CIC: variants seen among roughly 807,000 people sequenced by gnomAD.
CIC encodes capicua transcriptional repressor.
In CIC, 18 loss-of-function variants were observed where a neutral mutation model predicts 115.7. The observed-to-expected ratio is 0.16, with a 90% CI of 0.11 to 0.23. The LOEUF is 0.23. Among genes scored for constraint, CIC ranks in the 10% least tolerant of loss-of-function variants. CIC has a pLI of 1.00. For missense variants in CIC, 2,000 were observed against 2,159.3 expected (o/e 0.93, Z 1.46); for synonymous variants, 1,076 against 923.0 (o/e 1.17, Z -3.01).
intron 2 of CIC, chr19:42,284,817 G>T: frequency 6.8e-7 from 1 of 1,473,976 alleles, no homozygotes; most frequent in Non-Finnish European, 9.2e-7. Context: ...AAGGTGTCGG[G>T]GTGCTAAGTG....
In CIC at chr19:42,272,792, C is replaced by T. The variant is rs969676773; in HGVS notation, c.1009C>T (p.Arg337Cys). The change falls in exon 2 of 21, where the codon CGC becomes TGC. Residue 337 changes from arginine to cysteine, a missense_variant. Physicochemically the swap from Arg to Cys is radical, Grantham distance 180. Transcript: ENST00000681038. ...EAVWVARSSL[R>C]LLRPPWEPET... ...TGTGTGGGTGGCCCGCTCCAGCCTA[C>T]GCCTGCTGCGCCCCCCCTGGGAACC... 2 of 398,794 alleles carry T rather than the reference C, an allele frequency of 5.0e-6. No homozygotes were observed. The highest frequency in any genetic ancestry group is 3.6e-5 in the East Asian group (1 of 28,068). 24.7% of individuals were successfully genotyped at this position (398,794 alleles called of 1,614,324 possible).
chr19:42,272,414 CGTG>C lies in CIC; in HGVS notation c.635_637del (p.Gly212del). 2.5e-6 allele frequency: 1 copy of C among 398,540 alleles called. No homozygotes were observed. The highest frequency in any genetic ancestry group is 4.4e-6 in the Non-Finnish European group (1 of 225,996). 24.7% of individuals were successfully genotyped at this position (398,540 alleles called of 1,614,324 possible). ...GCGGTCCCAGCGGGTGCTGGCTCGG[CGTG>C]GTGATGGCCTTTTCCTGCCGGCTGT... is the stretch of plus-strand genomic sequence containing the variant. On this transcript the variant is annotated inframe_deletion, in exon 2 of 21. Coordinates refer to ENST00000681038, the MANE Select transcript of CIC (RefSeq NM_001386298.1).
At chr19:42,284,645 G>A in intron 2 of CIC, 1 of 1,339,890 alleles carries the variant, frequency 7.5e-7, no homozygotes, top group Non-Finnish European at 1.0e-6. Context: ...GGCTGCGGGC[G>A]GAGCGGCGTC....
chr19:42,284,563 G>A (rs1279400892), intron 2 of CIC: 3 of 289,124 alleles, frequency 1.0e-5, no homozygotes, highest in Non-Finnish European at 1.2e-5. Context: ...CCGGAGGGGG[G>A]CGGCGGGGGG....
At position 42,292,049 on chromosome 19, in the gene CIC, A is replaced by T. The variant is rs747450746; in HGVS notation, c.5614-37A>T. The T allele has an allele frequency of 6.8e-6, 11 of 1,612,440 alleles. No homozygotes were observed. The South Asian group carries it at 1.2e-4, about 18-fold the overall frequency. ...TCTTCCCCTGCCCCAGTCTGGGGCC[A>T]CAGCTCACCCTGGCCTATGGGTGCC... On this transcript the variant is annotated intron_variant, in intron 12 of 20. Coordinates refer to ENST00000681038, the MANE Select transcript of CIC (RefSeq NM_001386298.1).
rs2038045984 is a variant in CIC, at chr19:42,290,905, ACTGGGT to A, written c.4867_4872del (p.Gly1623_Ser1624del). 2 of 1,613,380 alleles carry A rather than the reference ACTGGGT, an allele frequency of 1.2e-6. No homozygotes were observed. Among genetic ancestry groups the A allele is most frequent in the African/African-American group, 2.7e-5 (2 of 74,918 alleles). Reference sequence around the variant, plus strand: ...AGCAGGTGCCAGGACTGAAATGGGCACTGGGTCTCGGGTGCCTGGGGGCTCCCCGCT... The same window carrying A: ...AGCAGGTGCCAGGACTGAAATGGGCACTCGGGTGCCTGGGGGCTCCCCGCT... On this transcript the variant is annotated inframe_deletion, in exon 11 of 21. Transcript: ENST00000681038.
Position 42,272,391 on chromosome 19 carries a change from G to A in CIC, c.608G>A (p.Arg203Gln), listed in dbSNP as rs1374555373. 4 of 398,428 alleles carry A rather than the reference G, an allele frequency of 1.0e-5. No individual in the cohort carries two copies. Among genetic ancestry groups the A allele is most frequent in the African/African-American group, 2.1e-5 (1 of 48,638 alleles). 24.7% of individuals were successfully genotyped at this position (398,428 alleles called of 1,614,324 possible). Reference sequence around the variant, plus strand: ...GGCAGCTATGACCTGCGGCAGCTGCGGTCCCAGCGGGTGCTGGCTCGGCGT... The same window carrying A: ...GGCAGCTATGACCTGCGGCAGCTGCAGTCCCAGCGGGTGCTGGCTCGGCGT... Reference protein sequence around the residue: ...TSGSYDLRQLRSQRVLARRGD... With the variant: ...TSGSYDLRQLQSQRVLARRGD... Residue 203 changes from arginine (R) to glutamine (Q), a missense_variant, in exon 2 of 21, where the codon CGG (arginine) becomes CAG (glutamine). By Grantham distance (43) the Arg-to-Gln change is conservative. Transcript: ENST00000681038.
In CIC at chr19:42,292,159, C is replaced by G. The variant is rs966402205; in HGVS notation, c.5687C>G (p.Pro1896Arg). 1.2e-5 allele frequency: 19 copies of G among 1,613,876 alleles called. No individual in the cohort carries two copies. Among genetic ancestry groups the G allele is most frequent in the Non-Finnish European group, 1.5e-5 (18 of 1,180,012 alleles). ...CCGCCCCTGAGCCCAGCCACACTCC[C>G]TGGACCCACCTCTCAGCCTCAGAAG... The part of the protein sequence containing the change: ...LVPPLSPATL[P>R]GPTSQPQKVL... Residue 1896 changes from proline (P) to arginine (R), a missense_variant, in exon 13 of 21, where the codon CCT (proline) becomes CGT (arginine). Physicochemically the swap from Pro to Arg is moderately radical, Grantham distance 103. Transcript: ENST00000681038.
chr19:42,292,073 C>T lies in CIC; in HGVS notation c.5614-13C>T. The T allele has an allele frequency of 6.2e-7, 1 of 1,613,376 alleles. No homozygotes were observed. Among genetic ancestry groups the T allele is most frequent in the East Asian group, 2.2e-5 (1 of 44,880 alleles). On this transcript the variant is annotated splice_polypyrimidine_tract_variant and intron_variant, in intron 12 of 20. Transcript: ENST00000681038. ...CACAGCTCACCCTGGCCTATGGGTG[C>T]CCTTCTCCACAGATCATCCAGCTGA...
Position 42,270,731 on chromosome 19 carries a change from T to G in CIC, c.-10-1043T>G, listed in dbSNP as rs75352285. Among the ~76,000 whole-genome samples, 7,917 of 151,760 alleles carry G rather than the reference T, an allele frequency of 0.052. 299 individuals carry two copies. The highest frequency in any genetic ancestry group is 0.17 in the South Asian group (796 of 4,802). On this transcript the variant is annotated intron_variant, in intron 1 of 20. Transcript: ENST00000681038. This position sits in a 1 kb window ranked among gnomAD's most constrained non-coding sequence, Gnocchi z 4.1. ...AGAAGAGGGGGGCTGGGCTTGCGGG[T>G]ATCACGCTGGGTGCTGTGGGGGGAG...
chr19:42,290,662 G>GTGC lies in CIC; in HGVS notation c.4625_4627dup (p.Leu1542dup). 1 of 1,613,402 alleles carries GTGC rather than the reference G, an allele frequency of 6.2e-7. No individual in the cohort carries two copies. The highest frequency in any genetic ancestry group is 8.5e-7 in the Non-Finnish European group (1 of 1,179,924). On this transcript the variant is annotated inframe_insertion, in exon 11 of 21. Coordinates refer to ENST00000681038, the MANE Select transcript of CIC (RefSeq NM_001386298.1). ...AGGAGGAAACATCCTGCAGACACTGGTGCTGCCCCCAAACAAGGAGGAGCA... is the reference window on the plus strand; with the variant it reads ...AGGAGGAAACATCCTGCAGACACTGGTGCTGCTGCCCCCAAACAAGGAGGAGCA...
At chr19:42,276,632 C>G (rs941740563) in intron 2 of CIC, among the ~76,000 whole-genome samples, 2 of 152,180 alleles carry the variant, frequency 1.3e-5, no homozygotes, top group Non-Finnish European at 2.9e-5. Context: ...GTGTGTTTCA[C>G]CCTGACACCA....
At chr19:42,284,822 T>C (rs1464971606) in intron 2 of CIC, 1 of 1,449,980 alleles carries the variant, frequency 6.9e-7, no homozygotes, top group Admixed American at 2.0e-5. Flanking sequence ...GTCGGGGTGC[T>C]AAGTGCGGAG....
At chr19:42,269,765 G>A (rs2036701031) in intron 1 of CIC, among the ~76,000 whole-genome samples, 1 of 143,742 alleles carries the variant, frequency 7.0e-6, no homozygotes, top group Non-Finnish European at 1.5e-5. Flanking sequence ...AGGAGGGGGT[G>A]ACAGGAGGGG....
intron 2 of CIC, among the ~76,000 whole-genome samples, chr19:42,286,230 C>A (rs2037629180): frequency 6.6e-6 from 1 of 152,132 alleles, no homozygotes; most frequent in South Asian, 2.1e-4. Context: ...TCTCCCACAC[C>A]ACAGTTGTAA....
rs143090600 is a variant in CIC, at chr19:42,290,578, G to A, written c.4537G>A (p.Glu1513Lys). 2.0e-5 allele frequency: 32 copies of A among 1,613,718 alleles called. No homozygotes were observed. The African/African-American group carries it at 2.3e-4, about 11-fold the overall frequency. ...TGCCACCTTCCGGCGCAAGAGACCC[G>A]AAAGTGTGGGTGGCCTGGAGCCACC... The part of the protein sequence containing the change: ...DPATFRRKRP[E>K]SVGGLEPPGP... Residue 1513 changes from glutamate (E) to lysine (K), a missense_variant, in exon 11 of 21, where the codon GAA becomes AAA. Physicochemically the swap from Glu to Lys is moderately conservative, Grantham distance 56 (BLOSUM62 1). This residue lies in a region of CIC where 1,466 missense variants were observed against 1,390.4 expected (regional missense o/e 1.05). Transcript: ENST00000681038.
rs929883513 is a variant in CIC, at chr19:42,271,874, C to T, written c.91C>T (p.Arg31Trp). ...PPATRAKALR[R>W]RGAGEGDKPE... ...AGCCACCAGGGCCAAGGCTCTGAGG[C>T]GGCGAGGGGCTGGGGAGGGTGACAA... The change falls in exon 2 of 21, where the codon CGG becomes TGG. Residue 31 changes from arginine (R) to tryptophan (W), a missense_variant. Arg to Trp is a moderately radical substitution (Grantham distance 101, BLOSUM62 -3). Transcript: ENST00000681038. 2.0e-5 allele frequency: 8 copies of T among 398,684 alleles called. No homozygotes were observed. Among genetic ancestry groups the T allele is most frequent in the South Asian group, 1.3e-4 (1 of 7,866 alleles). 24.7% of individuals were successfully genotyped at this position (398,684 alleles called of 1,614,324 possible). A position where few individuals can be genotyped will look rare whatever the true frequency, so the allele number is the denominator to read the frequency against.
chr19:42,285,726 C>T (rs1038210767), intron 2 of CIC, among the ~76,000 whole-genome samples: 6 of 152,190 alleles, frequency 3.9e-5, no homozygotes, highest in Non-Finnish European at 5.9e-5. Context: ...GGTTCCACTT[C>T]CCCCAGGGAG....
In CIC at chr19:42,277,811, A is replaced by G. The variant is rs550963979; in HGVS notation, c.2794+3234A>G. 1.8e-3 allele frequency among the ~76,000 whole-genome samples: 277 copies of G among 152,254 alleles called. 2 individuals carry two copies. Among genetic ancestry groups the G allele is most frequent in the African/African-American group, 6.4e-3 (264 of 41,540 alleles). On this transcript the variant is annotated intron_variant, in intron 2 of 20. Coordinates refer to ENST00000681038, the MANE Select transcript of CIC (RefSeq NM_001386298.1). ...AGTGCCTATCCTGGCAGTTCTGAGG[A>G]GCGCCTCCCTAACAACACCCATGCT...
Sources: gnomAD v4.1 joint callset for allele counts (sites outside exome capture counted in the v4.1 genomes callset) on GRCh38, gnomAD v4.1.1 for gene constraint, gnomAD v4.1.1 regional missense constraint, Gnocchi (gnomAD v3.1) non-coding constraint, MANE v1.5 for transcripts, NCBI Gene and HGNC (gene_info 2026-07-23, HGNC 2026-07-21) for gene names.